Variants in TNFRSF11B observed in about 807,000 individuals in gnomAD.
TNFRSF11B encodes the protein tumor necrosis factor receptor superfamily member 11B.
In TNFRSF11B, 16 loss-of-function variants were observed where a neutral mutation model predicts 43.4. That is an observed-to-expected ratio of 0.37 (90% CI 0.25 to 0.56). The LOEUF is 0.56. Ranked by LOEUF, TNFRSF11B falls within the 20% of genes least tolerant of loss-of-function variation. The pLI is 0.80. For missense variants in TNFRSF11B, 444 were observed against 490.1 expected (o/e 0.91, Z 0.89); for synonymous variants, 185 against 181.8 (o/e 1.02, Z -0.14).
Position 118,924,298 on chromosome 8 carries a change from CA to C in TNFRSF11B, c.*75del. ...ATGAGAAAGATATCACTGAAAGCCT[CA>C]AGTGCCTGAGAAACAGTTTACTCAT... On this transcript the variant is annotated 3_prime_UTR_variant, in exon 5 of 5. Coordinates refer to ENST00000297350, the MANE Select transcript of TNFRSF11B (RefSeq NM_002546.4). The C allele has an allele frequency of 1.3e-6, 2 of 1,554,600 alleles. No homozygotes were observed. The highest frequency in any genetic ancestry group is 1.8e-6 in the Non-Finnish European group (2 of 1,130,820).
intron 1 of TNFRSF11B, among the ~76,000 whole-genome samples, chr8:118,943,156 C>T (rs2129916705): frequency 6.6e-6 from 1 of 152,242 alleles, no homozygotes; most frequent in Non-Finnish European, 1.5e-5. Context: ...TGAATTTGTT[C>T]TCCTTCCTTT....
At chr8:118,938,211 GC>G (rs1482574908) in intron 1 of TNFRSF11B, among the ~76,000 whole-genome samples, 2 of 152,054 alleles carry the variant, frequency 1.3e-5, no homozygotes, top group Non-Finnish European at 2.9e-5. Flanking sequence ...TGAACTCTGG[GC>G]TCAAGTGATC....
chr8:118,933,354 T>C, intron 1 of TNFRSF11B, 54 bp from the exon 2 acceptor site: 3 of 1,604,280 alleles, frequency 1.9e-6, no homozygotes, highest in Non-Finnish European at 2.5e-6. Context: ...ATAGGTTTGT[T>C]CTTATGTGCA....
At position 118,924,569 on chromosome 8, in the gene TNFRSF11B, G is replaced by A. The variant is rs939402517; in HGVS notation, c.1011C>T (p.Gly337=). ...KLLSLWRIKN[G]DQDTLKGLMH... ...TTAGGCCCTTCAAGGTGTCTTGGTC[G>A]CCATTTTTTATTCGCCACAAACTGA... Residue 337 remains glycine (G), a synonymous_variant, in exon 5 of 5, where the codon GGC becomes GGT. Coordinates refer to ENST00000297350, the MANE Select transcript of TNFRSF11B (RefSeq NM_002546.4). 5 of 1,614,018 alleles carry A rather than the reference G, an allele frequency of 3.1e-6. No homozygotes were observed. The highest frequency in any genetic ancestry group is 1.7e-6 in the Non-Finnish European group (2 of 1,180,032).
At chr8:118,924,823 T>C (rs969604185) in intron 4 of TNFRSF11B, 61 bp from the exon 5 acceptor site, 6 of 1,607,230 alleles carry the variant, frequency 3.7e-6, no homozygotes, top group African/African-American at 1.3e-5. Context: ...AATGCCATCA[T>C]AAAACAAGCG....
chr8:118,948,792 C>CA (rs35629647), intron 1 of TNFRSF11B, among the ~76,000 whole-genome samples: 85,425 of 150,012 alleles, frequency 0.57, 25,136 homozygotes, highest in African/African-American at 0.74. Context: ...AACAAACAAA[C>CA]AAAAAAAAAC....
chr8:118,947,367 G>A (rs1160360494), intron 1 of TNFRSF11B, among the ~76,000 whole-genome samples: 7 of 152,090 alleles, frequency 4.6e-5, no homozygotes, highest in African/African-American at 7.2e-5. Flanking sequence ...ACACCTTATT[G>A]TCATGCATTA....
Position 118,924,227 on chromosome 8 carries a change from C to T in TNFRSF11B, c.*147G>A. On this transcript the variant is annotated 3_prime_UTR_variant, in exon 5 of 5. Transcript: ENST00000297350. ...GGAGGAGATGTTAGTCCTTTCTCCA[C>T]ATCATAGTTTCTTTTAGTACCCTGT... is the stretch of plus-strand genomic sequence containing the variant. 1.2e-6 allele frequency: 1 copy of T among 824,532 alleles called. No homozygotes were observed. Among genetic ancestry groups the T allele is most frequent in the South Asian group, 1.5e-5 (1 of 67,038 alleles). The allele number at this position is 824,532 out of a possible 1,614,324, so 51.1% of individuals were successfully genotyped here.
intron 1 of TNFRSF11B, among the ~76,000 whole-genome samples, chr8:118,949,786 GTGCCAGTGGAA>G (rs1435355151): frequency 3.9e-5 from 6 of 152,202 alleles, no homozygotes. Context: ...CTGATGCCTA[GTGCCAGTGGAA>G]TGCCCATTAT....
Position 118,933,125 on chromosome 8 carries a change from T to C in TNFRSF11B, c.206A>G (p.Tyr69Cys). ...KTVCAPCPDH[Y>C]YTDSWHTSDE... ...ACTGGTGTGCCAGCTGTCTGTGTAGTAGTGGTCAGGGCAAGGGGCGCACAC... is the reference window on the plus strand; with the variant it reads ...ACTGGTGTGCCAGCTGTCTGTGTAGCAGTGGTCAGGGCAAGGGGCGCACAC... Residue 69 changes from tyrosine to cysteine, a missense_variant, in exon 2 of 5, where the codon TAC (tyrosine) becomes TGC (cysteine). Coordinates refer to ENST00000297350, the MANE Select transcript of TNFRSF11B (RefSeq NM_002546.4). 6.2e-7 allele frequency: 1 copy of C among 1,614,164 alleles called. No homozygotes were observed. Among genetic ancestry groups the C allele is most frequent in the Non-Finnish European group, 8.5e-7 (1 of 1,180,028 alleles).
chr8:118,933,844 A>G (rs745846764), intron 1 of TNFRSF11B, among the ~76,000 whole-genome samples: 8 of 152,184 alleles, frequency 5.3e-5, no homozygotes, highest in Non-Finnish European at 1.0e-4. Flanking sequence ...TCATTTGACA[A>G]ATAATTAACT....
intron 1 of TNFRSF11B, among the ~76,000 whole-genome samples, chr8:118,939,543 G>A (rs11573876): frequency 0.015 from 2,245 of 152,238 alleles, 38 homozygotes; most frequent in Non-Finnish European, 0.018. Context: ...TGCATTGGGA[G>A]GGGGTGGTGC....
intron 1 of TNFRSF11B, among the ~76,000 whole-genome samples, chr8:118,949,376 C>T (rs1278312477): frequency 6.6e-6 from 1 of 152,176 alleles, no homozygotes; most frequent in African/African-American, 2.4e-5. Flanking sequence ...ACATAATTCA[C>T]TTGGATCTAG....
At chr8:118,929,057 T>C in intron 2 of TNFRSF11B, 128 bp from the exon 3 acceptor site, 1 of 833,004 alleles carries the variant, frequency 1.2e-6, no homozygotes, top group East Asian at 2.6e-5. Context: ...CACAAAACTC[T>C]AGCATTTTCA....
rs899718572 is a variant in TNFRSF11B at position 118,930,274 on chromosome 8, A to C, written c.401-1345T>G. On this transcript the variant is annotated intron_variant, in intron 2 of 4. Transcript: ENST00000297350. ...TATCAAATTCTACAATATCATAAGC[A>C]GAGGTATTTGGGCAGGGATTCCATG... Among the ~76,000 whole-genome samples, 10 of 152,242 alleles carry C rather than the reference A, an allele frequency of 6.6e-5. No individual in the cohort carries two copies. In the East Asian group the frequency reaches 1.9e-3, roughly 29 times the overall value.
intron 1 of TNFRSF11B, among the ~76,000 whole-genome samples, chr8:118,939,780 G>A (rs11573874): frequency 1.5e-3 from 225 of 152,282 alleles, no homozygotes; most frequent in African/African-American, 5.2e-3. Context: ...CACAGCTTTC[G>A]TGGTTATGAG....
intron 1 of TNFRSF11B, among the ~76,000 whole-genome samples, chr8:118,938,134 T>A (rs1427289133): frequency 6.6e-6 from 1 of 151,818 alleles, no homozygotes; most frequent in Non-Finnish European, 1.5e-5. Context: ...AACATGGAAT[T>A]TTATTTTGTC....
intron 1 of TNFRSF11B, among the ~76,000 whole-genome samples, chr8:118,934,812 C>T (rs1812379107): frequency 6.6e-6 from 1 of 152,178 alleles, no homozygotes; most frequent in Non-Finnish European, 1.5e-5. Context: ...CAGGAACCCC[C>T]TGACCTGGAA....
At chr8:118,951,759 G>T in intron 1 of TNFRSF11B, 33 bp downstream of exon 1, 1 of 1,573,676 alleles carries the variant, frequency 6.4e-7, no homozygotes, top group Non-Finnish European at 8.6e-7. Context: ...CTCCCCAGGC[G>T]CCGGGCACCC....
Sources: allele counts gnomAD v4.1 joint callset (sites outside exome capture counted in the v4.1 genomes callset), GRCh38; gene constraint gnomAD v4.1.1; transcripts MANE v1.5; gene names NCBI Gene and HGNC (gene_info 2026-07-23, HGNC 2026-07-21).